The following LEPR variants were observed in gnomAD, a reference collection of about 807,000 sequenced individuals.
The protein encoded by LEPR is OB receptor.
Under a neutral mutation model 114.7 loss-of-function variants are expected in LEPR, and 56 were observed. The observed-to-expected ratio is 0.49, with a 90% confidence interval of 0.39 to 0.61. The LOEUF is 0.61. Ranked by LOEUF, LEPR falls within the 20% of genes least tolerant of loss-of-function variation. LEPR has a pLI of 0.00. For missense variants in LEPR, 1,202 were observed against 1,352.9 expected, an observed-to-expected ratio of 0.89 and a Z score of 1.75; for synonymous variants, 443 against 461.4, an observed-to-expected ratio of 0.96 and a Z score of 0.51.
chr1:65,470,561 T>C (rs75169973), intron 2 of LEPR, among the ~76,000 whole-genome samples: 26,879 of 152,154 alleles, frequency 0.18, 4,306 homozygotes, highest in African/African-American at 0.43. Context: ...AGTGGGGCCC[T>C]TCCCAAACCC....
intron 2 of LEPR, among the ~76,000 whole-genome samples, chr1:65,537,016 A>G (rs1016411089): frequency 6.6e-6 from 1 of 152,182 alleles, no homozygotes; most frequent in Non-Finnish European, 1.5e-5. Context: ...GATGTATGCA[A>G]TCAATAACAA....
At chr1:65,519,974 C>T (rs1050652374) in intron 2 of LEPR, among the ~76,000 whole-genome samples, 1 of 152,052 alleles carries the variant, frequency 6.6e-6, no homozygotes, top group Admixed American at 6.5e-5. Context: ...TGCCATTCTC[C>T]TGCCTCAGCC....
At chr1:65,586,814 A>T (rs1051268595) in intron 5 of LEPR, among the ~76,000 whole-genome samples, 12 of 152,036 alleles carry the variant, frequency 7.9e-5, no homozygotes, top group Non-Finnish European at 1.5e-4. Context: ...AAGCTTTTTT[A>T]AAAACCAACA....
intron 2 of LEPR, among the ~76,000 whole-genome samples, chr1:65,439,312 C>T (rs988598980): frequency 6.6e-6 from 1 of 151,848 alleles, no homozygotes; most frequent in African/African-American, 2.4e-5. Context: ...TTAGACAATG[C>T]GATATTGGAG....
intron 2 of LEPR, among the ~76,000 whole-genome samples, chr1:65,438,113 C>CTTT (rs36053447): frequency 0.088 from 7,642 of 87,266 alleles, 529 homozygotes; most frequent in African/African-American, 0.14. Flanking sequence ...TCCTAGCCGC[C>CTTT]TTTTTTTTTT....
intron 2 of LEPR, among the ~76,000 whole-genome samples, chr1:65,547,120 T>A (rs374983203): frequency 6.6e-6 from 1 of 151,676 alleles, no homozygotes; most frequent in South Asian, 2.1e-4. Flanking sequence ...TATTGATTTG[T>A]GTATATTGAA....
At chr1:65,558,566 T>C (rs12061614) in intron 2 of LEPR, among the ~76,000 whole-genome samples, 2 of 59,708 alleles carry the variant, frequency 3.3e-5, no homozygotes, top group African/African-American at 1.3e-4. Context: ...TTTTTTTTTA[T>C]ACTTTAAGTT....
intron 2 of LEPR, among the ~76,000 whole-genome samples, chr1:65,436,785 C>A (rs148109811): frequency 2.2e-4 from 33 of 152,312 alleles, no homozygotes; most frequent in Middle Eastern, 3.4e-3. Context: ...GAATGAATGA[C>A]TAGATATTAA....
chr1:65,482,523 A>C (rs1240994002), intron 2 of LEPR, among the ~76,000 whole-genome samples: 1 of 152,168 alleles, frequency 6.6e-6, no homozygotes, highest in Non-Finnish European at 1.5e-5. Context: ...CCAAGGGAGC[A>C]ATGGAACATA....
intron 1 of LEPR, among the ~76,000 whole-genome samples, chr1:65,424,420 G>A (rs1646316718): frequency 6.6e-6 from 1 of 152,198 alleles, no homozygotes; most frequent in South Asian, 2.1e-4. Context: ...GCCTTGGGAG[G>A]TAGTGAGTTT....
chr1:65,578,467 T>C (rs1570738970), intron 5 of LEPR: 28 of 198,654 alleles, frequency 1.4e-4, no homozygotes, highest in Admixed American at 4.6e-5. Context: ...GCATCTTTCC[T>C]CCTGCCACAG....
At chr1:65,583,515 G>T (rs962181359) in intron 5 of LEPR, among the ~76,000 whole-genome samples, 1 of 152,074 alleles carries the variant, frequency 6.6e-6, no homozygotes, top group African/African-American at 2.4e-5. Context: ...TACTTTAAAG[G>T]TGGGGCCAAA....
At chr1:65,632,037 T>C (rs1658544306) in intron 19 of LEPR, among the ~76,000 whole-genome samples, 1 of 152,192 alleles carries the variant, frequency 6.6e-6, no homozygotes, top group Non-Finnish European at 1.5e-5. Context: ...GTTTACTCCA[T>C]TTAACAACTT....
chr1:65,577,879 A>G (rs1305246514), intron 5 of LEPR: 1 of 150,616 alleles, frequency 6.6e-6, no homozygotes, highest in Non-Finnish European at 1.5e-5. Context: ...TTACATAGGT[A>G]TGCGTGTGCC....
chr1:65,565,446 C>T (rs1653667598), intron 2 of LEPR, 100 bp from the exon 3 acceptor site: 1 of 1,148,054 alleles, frequency 8.7e-7, no homozygotes, highest in African/African-American at 1.5e-5. Flanking sequence ...AATTTAGAGA[C>T]TTATCTATAA....
At chr1:65,424,714 A>G (rs55730790) in intron 1 of LEPR, among the ~76,000 whole-genome samples, 21,200 of 152,234 alleles carry the variant, frequency 0.14, 1,517 homozygotes, top group Non-Finnish European at 0.16. Context: ...GGTGAGAGCC[A>G]GCTTCCTGGT....
At chr1:65,465,835 C>G (rs752151313) in intron 2 of LEPR, among the ~76,000 whole-genome samples, 7 of 152,124 alleles carry the variant, frequency 4.6e-5, no homozygotes, top group Non-Finnish European at 1.0e-4. Context: ...TTATCGGAGA[C>G]TAGGATTGCA....
At chr1:65,437,601 C>A (rs562575753) in intron 2 of LEPR, among the ~76,000 whole-genome samples, 2 of 151,646 alleles carry the variant, frequency 1.3e-5, no homozygotes, top group African/African-American at 4.8e-5. Flanking sequence ...GCCGAGATCG[C>A]GCCACTGCAC....
At chr1:65,601,982 T>A (rs765943820) in intron 10 of LEPR, 22 bp downstream of exon 10, 16 of 1,600,264 alleles carry the variant, frequency 1.0e-5, no homozygotes, top group African/African-American at 2.7e-5. Flanking sequence ...TTTTGCTGTT[T>A]TGTTTTTCTG....
Sources: allele counts gnomAD v4.1 joint callset (sites outside exome capture counted in the v4.1 genomes callset), GRCh38; gene constraint gnomAD v4.1.1; transcripts MANE v1.5; gene names NCBI Gene and HGNC (gene_info 2026-07-23, HGNC 2026-07-21).